CCDC175: variants seen among roughly 807,000 people sequenced by gnomAD.
CCDC175 encodes the protein coiled-coil domain containing 175, also known as coiled-coil domain-containing protein 175.
A neutral mutation model predicts 114.6 loss-of-function variants in CCDC175; 100 were observed. That is an observed-to-expected ratio of 0.87 (90% CI 0.74 to 1.03). The LOEUF (loss-of-function observed/expected upper bound fraction) is 1.03, where lower values mean the gene tolerates loss of function less well. Ranked by LOEUF, CCDC175 falls within the 50% of genes least tolerant of loss-of-function variation. CCDC175 has a pLI of 0.00. For synonymous variants in CCDC175, 306 were observed against 308.7 expected (o/e 0.99, Z 0.09); for missense variants, 880 against 917.8 (o/e 0.96, Z 0.53).
chr14:59,572,327 G>A (rs771931032), intron 3 of CCDC175, among the ~76,000 whole-genome samples: 20 of 152,096 alleles, frequency 1.3e-4, no homozygotes, highest in South Asian at 2.1e-4. Flanking sequence ...GAAGGAAGCC[G>A]GTCATGAGGA....
chr14:59,551,525 A>T (rs1056198243), intron 7 of CCDC175, 89 bp from the exon 8 acceptor site: 4 of 574,052 alleles, frequency 7.0e-6, no homozygotes, highest in African/African-American at 1.9e-5. Flanking sequence ...GCTGCAGTAT[A>T]CAGCTCCCAG....
chr14:59,535,041 C>T (rs1023829495), intron 13 of CCDC175, among the ~76,000 whole-genome samples: 4 of 152,162 alleles, frequency 2.6e-5, no homozygotes, highest in Non-Finnish European at 5.9e-5. Context: ...GTTTCATAAA[C>T]CACAATGTGA....
At chr14:59,506,081 T>C (rs981532273) in intron 19 of CCDC175, among the ~76,000 whole-genome samples, 1 of 152,158 alleles carries the variant, frequency 6.6e-6, no homozygotes, top group Non-Finnish European at 1.5e-5. Context: ...CCAGGGATAC[T>C]AAATCTGTGT....
chr14:59,508,577 AAAAAAAAAG>A (rs1185081507), intron 19 of CCDC175, among the ~76,000 whole-genome samples: 4 of 150,930 alleles, frequency 2.7e-5, no homozygotes, highest in African/African-American at 9.7e-5. Flanking sequence ...AAAAAAAAAA[AAAAAAAAAG>A]AGAGAAAAGC....
At chr14:59,508,134 A>C (rs1892532039) in intron 19 of CCDC175, among the ~76,000 whole-genome samples, 1 of 151,980 alleles carries the variant, frequency 6.6e-6, no homozygotes, top group Non-Finnish European at 1.5e-5. Context: ...ACACCTCACT[A>C]TCTCTTTTGC....
chr14:59,560,308 A>G (rs1327614484), intron 7 of CCDC175, among the ~76,000 whole-genome samples: 1 of 152,160 alleles, frequency 6.6e-6, no homozygotes, highest in Non-Finnish European at 1.5e-5. Flanking sequence ...GTATTTTGGG[A>G]ATCTGCTCAG....
At chr14:59,542,352 T>C (rs1343509027) in intron 10 of CCDC175, among the ~76,000 whole-genome samples, 2 of 152,226 alleles carry the variant, frequency 1.3e-5, no homozygotes, top group East Asian at 3.8e-4. Context: ...TATAAGCTCC[T>C]TATGCTCAGT....
At chr14:59,568,084 A>G (rs776464903) in intron 4 of CCDC175, among the ~76,000 whole-genome samples, 161 bp downstream of exon 4, 12 of 151,950 alleles carry the variant, frequency 7.9e-5, no homozygotes, top group Non-Finnish European at 1.6e-4. Flanking sequence ...TGTAGCCACC[A>G]CCTTCCCTAC....
At chr14:59,523,165 A>G (rs141215655) in intron 16 of CCDC175, among the ~76,000 whole-genome samples, 198 of 152,356 alleles carry the variant, frequency 1.3e-3, no homozygotes, top group African/African-American at 4.6e-3. Context: ...AATAATCTAT[A>G]TCTTGATAGG....
intron 17 of CCDC175, among the ~76,000 whole-genome samples, chr14:59,515,210 G>A (rs1893002699): frequency 1.3e-5 from 2 of 152,110 alleles, no homozygotes; most frequent in Non-Finnish European, 1.5e-5. Context: ...CACTGAAAAA[G>A]CATGCCAAAT....
At chr14:59,562,629 G>A (rs144969443) in intron 6 of CCDC175, among the ~76,000 whole-genome samples, 16 of 152,260 alleles carry the variant, frequency 1.1e-4, no homozygotes, top group East Asian at 1.9e-4. Context: ...GGAAGGACCC[G>A]GAGGCAAATT....
chr14:59,545,158 CAT>C lies in CCDC175; in HGVS notation c.1172+3_1172+4del. On this transcript the variant is annotated splice_donor_region_variant and intron_variant, in intron 9 of 19. Transcript: ENST00000537690. The stretch of plus-strand genomic sequence containing the variant: ...GTTGAATCACACGTGTGGGTAAAGA[CAT>C]ACTCATCATGAATCTTTTGTTTTTG... 6.5e-7 allele frequency: 1 copy of C among 1,536,074 alleles called. No homozygotes were observed. The highest frequency in any genetic ancestry group is 8.7e-7 in the Non-Finnish European group (1 of 1,146,458).
chr14:59,546,466 A>C (rs1895117574), intron 8 of CCDC175, among the ~76,000 whole-genome samples: 1 of 152,236 alleles, frequency 6.6e-6, no homozygotes, highest in African/African-American at 2.4e-5. Context: ...ATCTAAAAAA[A>C]TAAAAATAAA....
intron 18 of CCDC175, 48 bp from the exon 19 acceptor site, chr14:59,510,856 T>A (rs918307714): frequency 1.4e-6 from 2 of 1,479,326 alleles, no homozygotes; most frequent in Non-Finnish European, 1.8e-6. Context: ...TGCTACAACA[T>A]AAATAAATAC....
intron 8 of CCDC175, among the ~76,000 whole-genome samples, chr14:59,550,782 T>C (rs1304930529): frequency 6.6e-6 from 1 of 152,104 alleles, no homozygotes; most frequent in Non-Finnish European, 1.5e-5. Context: ...GCCTGCTTTA[T>C]ATCCTGGCCG....
chr14:59,548,629 G>C (rs1446648148), intron 8 of CCDC175, among the ~76,000 whole-genome samples: 3 of 152,144 alleles, frequency 2.0e-5, no homozygotes, highest in African/African-American at 4.8e-5. Flanking sequence ...TTCTGCAGTA[G>C]GAAACAAATG....
chr14:59,572,675 T>A (rs1192023608), intron 3 of CCDC175, 27 bp downstream of exon 3: 19 of 1,231,806 alleles, frequency 1.5e-5, no homozygotes, highest in Non-Finnish European at 2.1e-5. Flanking sequence ...TCAACTAAAT[T>A]TCTAGAGTTG....
In CCDC175 at chr14:59,538,799, T is replaced by C. The variant is rs1175295339; in HGVS notation, c.1397A>G (p.His466Arg). ...QWKMACLRKK[H>R]ARWTAKIKAE... ...TTTTATCTTGGCTGTCCAACGTGCA[T>C]GCTTTTTTCTCAAGCAAGCCATTTT... The change falls in exon 12 of 20, where the codon CAT becomes CGT. Residue 466 changes from histidine (H) to arginine (R), a missense_variant. By Grantham distance (29) the His-to-Arg change is conservative (BLOSUM62 0). Transcript: ENST00000537690. 9.1e-6 allele frequency: 14 copies of C among 1,537,006 alleles called. No individual in the cohort carries two copies. The highest frequency in any genetic ancestry group is 3.9e-5 in the Admixed American group (2 of 50,966).
At chr14:59,558,040 A>G (rs987143012) in intron 7 of CCDC175, among the ~76,000 whole-genome samples, 3 of 152,204 alleles carry the variant, frequency 2.0e-5, no homozygotes, top group Admixed American at 6.5e-5. Context: ...TGGTCAGGGA[A>G]GACCTTTTTG....
Sources: gnomAD v4.1 joint callset for allele counts (sites outside exome capture counted in the v4.1 genomes callset) on GRCh38, gnomAD v4.1.1 for gene constraint, MANE v1.5 for transcripts, NCBI Gene and HGNC (gene_info 2026-07-23, HGNC 2026-07-21) for gene names.